EHD4: variants seen among roughly 807,000 people sequenced by gnomAD.
The protein encoded by EHD4 is EH domain-containing protein 4.
EHD4 carries 37 observed loss-of-function variants against 51.0 expected under a neutral mutation model. The observed-to-expected ratio is 0.73, with a 90% CI of 0.56 to 0.95. The LOEUF (loss-of-function observed/expected upper bound fraction) is 0.95, where lower values mean the gene tolerates loss of function less well. Among genes scored for constraint, EHD4 ranks in the 40% least tolerant of loss-of-function variants. The pLI is 0.00. For synonymous variants in EHD4, 297 were observed against 317.3 expected (o/e 0.94, Z 0.68); for missense variants, 632 against 733.1 (o/e 0.86, Z 1.59).
intron 1 of EHD4, among the ~76,000 whole-genome samples, chr15:41,957,991 C>T (rs972249654): frequency 4.6e-5 from 7 of 151,998 alleles, no homozygotes; most frequent in Non-Finnish European, 1.0e-4. Flanking sequence ...ATCACACAGC[C>T]ACACGGGATA....
At chr15:41,956,947 GA>G (rs2067891956) in intron 1 of EHD4, among the ~76,000 whole-genome samples, 1 of 152,224 alleles carries the variant, frequency 6.6e-6, no homozygotes, top group Non-Finnish European at 1.5e-5. Context: ...AGGGTCCTGT[GA>G]GATAAACACC....
chr15:41,945,413 A>G (rs1308982284), intron 2 of EHD4, among the ~76,000 whole-genome samples: 1 of 152,216 alleles, frequency 6.6e-6, no homozygotes, highest in East Asian at 1.9e-4. Flanking sequence ...AGAGCAAGCC[A>G]CCGTGAGATG....
chr15:41,966,558 C>G (rs2067963061), intron 1 of EHD4, among the ~76,000 whole-genome samples: 1 of 152,074 alleles, frequency 6.6e-6, no homozygotes, highest in South Asian at 2.1e-4. Context: ...CAATGAGACT[C>G]AAGCCTGAGA....
intron 4 of EHD4, among the ~76,000 whole-genome samples, chr15:41,917,817 A>G (rs1023181185): frequency 1.3e-5 from 2 of 152,192 alleles, no homozygotes; most frequent in Non-Finnish European, 2.9e-5. Flanking sequence ...GTAGCTCTGG[A>G]AAGGAAGCCA....
chr15:41,914,069 T>G (rs2067567529), intron 4 of EHD4, among the ~76,000 whole-genome samples: 1 of 151,812 alleles, frequency 6.6e-6, no homozygotes, highest in South Asian at 2.1e-4. Context: ...CCTCCAAGAC[T>G]GAGACACATG....
chr15:41,919,824 AGGAG>A (rs148787381), intron 3 of EHD4, among the ~76,000 whole-genome samples: 5,683 of 152,202 alleles, frequency 0.037, 221 homozygotes, highest in East Asian at 0.2. Flanking sequence ...CTTCCACAGG[AGGAG>A]GGAGGAAAGA....
At chr15:41,963,084 C>T (rs2067936717) in intron 1 of EHD4, among the ~76,000 whole-genome samples, 1 of 152,088 alleles carries the variant, frequency 6.6e-6, no homozygotes, top group African/African-American at 2.4e-5. Flanking sequence ...TAAACAGATG[C>T]CTGAAGGCAG....
intron 1 of EHD4, among the ~76,000 whole-genome samples, chr15:41,955,596 G>A (rs930456544): frequency 3.9e-5 from 6 of 152,288 alleles, no homozygotes; most frequent in East Asian, 1.9e-4. Flanking sequence ...AGGTGCTACC[G>A]TTTCAAAATG....
chr15:41,972,424 A>T lies in EHD4; in HGVS notation c.71T>A (p.Val24Glu). The change falls in exon 1 of 6, where the codon GTG becomes GAG. Residue 24 changes from valine to glutamate, a missense_variant. Transcript: ENST00000220325. ...GTAGAGCGAGCGCAGCCCGCCCGTC[A>T]CCGTCTGCACCGCGTCCGCGCCGCC... ...RAGGADAVQTVTGGLRSLYLR... is the reference protein window; with the variant it reads ...RAGGADAVQTETGGLRSLYLR... The T allele has an allele frequency of 1.3e-6, 2 of 1,598,942 alleles. No individual in the cohort carries two copies. The highest frequency in any genetic ancestry group is 1.7e-6 in the Non-Finnish European group (2 of 1,174,132).
chr15:41,923,915 G>A (rs1423241907), intron 3 of EHD4, among the ~76,000 whole-genome samples: 1 of 152,106 alleles, frequency 6.6e-6, no homozygotes, highest in African/African-American at 2.4e-5. Context: ...CTTCCTCTAT[G>A]GTCTAGACTG....
chr15:41,913,799 G>C (rs1430226720), intron 4 of EHD4, among the ~76,000 whole-genome samples: 1 of 152,046 alleles, frequency 6.6e-6, no homozygotes, highest in Non-Finnish European at 1.5e-5. Flanking sequence ...TTGACCCCTG[G>C]GGGCTTTTGA....
chr15:41,916,772 C>A (rs559780192), intron 4 of EHD4, among the ~76,000 whole-genome samples: 1 of 152,334 alleles, frequency 6.6e-6, no homozygotes, highest in African/African-American at 2.4e-5. Context: ...GCACTGCCCA[C>A]GAGCAACTGG....
intron 2 of EHD4, among the ~76,000 whole-genome samples, chr15:41,944,386 T>C (rs1459033806): frequency 6.6e-6 from 1 of 152,160 alleles, no homozygotes; most frequent in Non-Finnish European, 1.5e-5. Context: ...TTACTATGGA[T>C]GGCTGACATC....
chr15:41,961,481 G>A (rs896045327), intron 1 of EHD4, among the ~76,000 whole-genome samples: 3 of 152,162 alleles, frequency 2.0e-5, no homozygotes, highest in Non-Finnish European at 4.4e-5. Context: ...ACTGTAAATC[G>A]TCATGAGGAG....
rs1286581482 is a variant in EHD4 at position 41,969,406 on chromosome 15, C to T, written c.236+2853G>A. Among the ~76,000 whole-genome samples, 4 of 152,068 alleles carry T rather than the reference C, an allele frequency of 2.6e-5. No individual in the cohort carries two copies. In the East Asian group the frequency reaches 7.7e-4, roughly 29 times the overall value. On this transcript the variant is annotated intron_variant, in intron 1 of 5. Coordinates refer to ENST00000220325, the MANE Select transcript of EHD4 (RefSeq NM_139265.4). Reference sequence around the variant, plus strand: ...TACTAAAAATACAAAATTAGCCAGGCGTGGTGGCACATGCCTGTAATCCCA... The same window carrying T: ...TACTAAAAATACAAAATTAGCCAGGTGTGGTGGCACATGCCTGTAATCCCA...
At chr15:41,959,216 C>T (rs1595545673) in intron 1 of EHD4, among the ~76,000 whole-genome samples, 2 of 151,790 alleles carry the variant, frequency 1.3e-5, no homozygotes, top group East Asian at 3.9e-4. Flanking sequence ...CACGGTGAAA[C>T]CCCGTCTCTA....
At chr15:41,917,509 G>C (rs2067592878) in intron 4 of EHD4, among the ~76,000 whole-genome samples, 1 of 152,168 alleles carries the variant, frequency 6.6e-6, no homozygotes, top group South Asian at 2.1e-4. Context: ...ATGTCCATGA[G>C]CATTTAAAAA....
intron 1 of EHD4, among the ~76,000 whole-genome samples, chr15:41,962,124 G>C (rs1364726068): frequency 6.6e-6 from 1 of 152,184 alleles, no homozygotes; most frequent in Non-Finnish European, 1.5e-5. Context: ...TTTCCAAGAA[G>C]GTCTGCGTTA....
chr15:41,928,174 T>C (rs1406846065), intron 3 of EHD4, among the ~76,000 whole-genome samples: 1 of 152,246 alleles, frequency 6.6e-6, no homozygotes, highest in East Asian at 1.9e-4. Flanking sequence ...AAATGTCTTC[T>C]GAAAATGTCA....
Sources: allele counts gnomAD v4.1 joint callset (sites outside exome capture counted in the v4.1 genomes callset), GRCh38; gene constraint gnomAD v4.1.1; transcripts MANE v1.5; gene names NCBI Gene and HGNC (gene_info 2026-07-23, HGNC 2026-07-21).